The following KLF7 variants were observed in gnomAD, a reference collection of about 807,000 sequenced individuals.
KLF7 encodes the protein KLF transcription factor 7, also known as Krueppel-like factor 7.
A neutral mutation model predicts 27.3 loss-of-function variants in KLF7; 2 were observed. That is an observed-to-expected ratio of 0.07 (90% confidence interval 0.03 to 0.23). The LOEUF is 0.23. Ranked by LOEUF, KLF7 falls within the 10% of genes least tolerant of loss-of-function variation. The probability of loss-of-function intolerance (pLI) is 1.00; values close to 1 mark genes in which losing one functional copy is unlikely to be tolerated. For missense variants in KLF7, 221 were observed against 394.1 expected, an observed-to-expected ratio of 0.56 and a Z score of 3.72; for synonymous variants, 165 against 162.4, an observed-to-expected ratio of 1.02 and a Z score of -0.12.
At chr2:207,081,630 T>C (rs929336123) in intron 3 of KLF7, among the ~76,000 whole-genome samples, 1 of 152,172 alleles carries the variant, frequency 6.6e-6, no homozygotes, top group Non-Finnish European at 1.5e-5. Context: ...TTAACTGTTA[T>C]GATCATAATT....
At chr2:207,112,500 T>C (rs536332680) in intron 2 of KLF7, among the ~76,000 whole-genome samples, 5 of 152,214 alleles carry the variant, frequency 3.3e-5, no homozygotes, top group Non-Finnish European at 7.3e-5. Flanking sequence ...CTCATTAGTA[T>C]GGGAAACCAG....
chr2:207,157,382 G>A (rs2078417725), intron 1 of KLF7, among the ~76,000 whole-genome samples: 1 of 151,898 alleles, frequency 6.6e-6, no homozygotes, highest in African/African-American at 2.4e-5. Flanking sequence ...TTAAGGAATG[G>A]GTGGAACTTG....
chr2:207,156,109 C>G (rs1305454964), intron 1 of KLF7, among the ~76,000 whole-genome samples: 1 of 150,868 alleles, frequency 6.6e-6, no homozygotes, highest in Non-Finnish European at 1.5e-5. Flanking sequence ...AGCTCCTCTC[C>G]TGATGTTCTC....
intron 2 of KLF7, among the ~76,000 whole-genome samples, chr2:207,099,347 A>C (rs2076702401): frequency 6.6e-6 from 1 of 151,898 alleles, no homozygotes; most frequent in Admixed American, 6.6e-5. Flanking sequence ...GGGCCAGGAC[A>C]GGTGGGGAGG....
intron 1 of KLF7, among the ~76,000 whole-genome samples, chr2:207,125,930 T>C (rs558080093): frequency 3.9e-5 from 6 of 152,154 alleles, no homozygotes; most frequent in Non-Finnish European, 8.8e-5. Context: ...TACCAAAAAA[T>C]AGTATAAAAT....
chr2:207,143,501 T>C (rs2078004351), intron 1 of KLF7, among the ~76,000 whole-genome samples: 1 of 152,134 alleles, frequency 6.6e-6, no homozygotes, highest in African/African-American at 2.4e-5. Flanking sequence ...GTTCGGAGTC[T>C]GGGTATGTTT....
At chr2:207,159,174 C>G (rs994281827) in intron 1 of KLF7, among the ~76,000 whole-genome samples, 2 of 152,202 alleles carry the variant, frequency 1.3e-5, no homozygotes, top group African/African-American at 4.8e-5. Context: ...TATGGCTCTA[C>G]GTTATTTTAA....
intron 2 of KLF7, among the ~76,000 whole-genome samples, chr2:207,119,488 T>C (rs1200002631): frequency 1.3e-5 from 2 of 152,032 alleles, no homozygotes; most frequent in Non-Finnish European, 2.9e-5. Context: ...AAGTGAAGGT[T>C]ACTTTTCATC....
intron 1 of KLF7, among the ~76,000 whole-genome samples, chr2:207,148,021 T>C (rs2078144483): frequency 6.6e-6 from 1 of 152,148 alleles, no homozygotes; most frequent in Non-Finnish European, 1.5e-5. Context: ...TTTTTAAAAA[T>C]CAAAACTAAA....
At chr2:207,116,965 C>G (rs963155080) in intron 2 of KLF7, among the ~76,000 whole-genome samples, 1 of 152,142 alleles carries the variant, frequency 6.6e-6, no homozygotes, top group Non-Finnish European at 1.5e-5. Flanking sequence ...TGTCAAAAAG[C>G]GAGGTCCTCG....
intron 2 of KLF7, among the ~76,000 whole-genome samples, chr2:207,117,796 A>G (rs1013953874): frequency 6.6e-6 from 1 of 151,978 alleles, no homozygotes. Context: ...ATCAATAAAC[A>G]CTCTGTCCAG....
rs561962855 is a variant in KLF7 at position 207,115,198 on chromosome 2, A to T, written c.733+8576T>A. ...AGTTGCAAAAAAAAAAAGGGGGGGT[A>T]TGCCAAGGAAGTTTGGTTTAGGACA... On this transcript the variant is annotated intron_variant, in intron 2 of 3. Coordinates refer to ENST00000309446, the MANE Select transcript of KLF7 (RefSeq NM_003709.4). Among the ~76,000 whole-genome samples the T allele has an allele frequency of 1.7e-3, 257 of 151,302 alleles. 2 individuals are homozygous for T. Among genetic ancestry groups the T allele is most frequent in the African/African-American group, 5.8e-3 (238 of 41,192 alleles).
chr2:207,088,641 C>A, intron 2 of KLF7, 60 bp from the exon 3 acceptor site: 1 of 1,565,658 alleles, frequency 6.4e-7, no homozygotes, highest in Non-Finnish European at 8.7e-7. Flanking sequence ...TTACACCCAA[C>A]CAGCCTGTGC....
chr2:207,160,603 A>G (rs1392405304), intron 1 of KLF7, among the ~76,000 whole-genome samples: 1 of 152,210 alleles, frequency 6.6e-6, no homozygotes, highest in Non-Finnish European at 1.5e-5. Context: ...TCTTTCCTCA[A>G]CAGGCACAGA....
intron 1 of KLF7, among the ~76,000 whole-genome samples, chr2:207,151,444 G>A (rs11892762): frequency 0.24 from 36,879 of 151,884 alleles, 5,049 homozygotes; most frequent in African/African-American, 0.36. Flanking sequence ...TCAAGTTCTG[G>A]TATTTGTGAA....
chr2:207,102,626 G>A (rs1377693423), intron 2 of KLF7, among the ~76,000 whole-genome samples: 1 of 152,156 alleles, frequency 6.6e-6, no homozygotes, highest in African/African-American at 2.4e-5. Flanking sequence ...GTACTAGGAT[G>A]TTACCCTTAC....
At chr2:207,095,949 TAA>T (rs1477988923) in intron 2 of KLF7, among the ~76,000 whole-genome samples, 1 of 152,210 alleles carries the variant, frequency 6.6e-6, no homozygotes, top group Non-Finnish European at 1.5e-5. Flanking sequence ...CTAGAAAATT[TAA>T]AGTTACATAT....
At chr2:207,089,191 C>G (rs1001479774) in intron 2 of KLF7, among the ~76,000 whole-genome samples, 1 of 152,174 alleles carries the variant, frequency 6.6e-6, no homozygotes, top group Non-Finnish European at 1.5e-5. Flanking sequence ...AATCACTTGA[C>G]AATCCCTGGC....
chr2:207,083,732 A>G (rs1161682254), intron 3 of KLF7, among the ~76,000 whole-genome samples: 2 of 152,218 alleles, frequency 1.3e-5, no homozygotes, highest in Non-Finnish European at 2.9e-5. Flanking sequence ...AGCTGACATT[A>G]AACAGGGAGA....
Sources: allele counts gnomAD v4.1 joint callset (sites outside exome capture counted in the v4.1 genomes callset), GRCh38; gene constraint gnomAD v4.1.1; transcripts MANE v1.5; gene names NCBI Gene and HGNC (gene_info 2026-07-23, HGNC 2026-07-21).